Variants in GABPB1 observed in about 807,000 individuals in gnomAD.
GABPB1 encodes the protein GA-binding protein subunit beta-1.
In GABPB1, 15 loss-of-function variants were observed where a neutral mutation model predicts 45.9. That is an observed-to-expected ratio of 0.33 (90% confidence interval 0.22 to 0.50). The LOEUF is 0.50. Ranked by LOEUF, GABPB1 falls within the 20% of genes least tolerant of loss-of-function variation. The pLI is 0.98. For synonymous variants in GABPB1, 143 were observed against 154.4 expected, an observed-to-expected ratio of 0.93 and a Z score of 0.55; for missense variants, 252 against 457.5, an observed-to-expected ratio of 0.55 and a Z score of 4.10.
At chr15:50,337,471 A>G (rs1259871294) in intron 1 of GABPB1, among the ~76,000 whole-genome samples, 1 of 152,086 alleles carries the variant, frequency 6.6e-6, no homozygotes, top group Non-Finnish European at 1.5e-5. Context: ...TCTCAAGCAA[A>G]AAGTACTGGC....
intron 1 of GABPB1, among the ~76,000 whole-genome samples, chr15:50,341,397 C>T (rs35168369): frequency 0.49 from 74,821 of 151,726 alleles, 19,519 homozygotes; most frequent in Middle Eastern, 0.65. Context: ...CCAGGCATGG[C>T]GGTGCATGCC....
intron 1 of GABPB1, among the ~76,000 whole-genome samples, chr15:50,336,944 C>A (rs888463007): frequency 1.3e-5 from 2 of 150,914 alleles, no homozygotes; most frequent in African/African-American, 2.4e-5. Context: ...ACTCAGGAAG[C>A]TGAAGTGGGA....
chr15:50,308,294 C>G (rs1365190169), intron 2 of GABPB1, among the ~76,000 whole-genome samples: 2 of 152,196 alleles, frequency 1.3e-5, no homozygotes, highest in African/African-American at 2.4e-5. Context: ...AAGATCACTT[C>G]AAATTCATTT....
chr15:50,314,635 A>T (rs1005685467), intron 1 of GABPB1: 1 of 152,254 alleles, frequency 6.6e-6, no homozygotes. Flanking sequence ...GGCAAGTGCC[A>T]TGGATACTAG....
intron 1 of GABPB1, among the ~76,000 whole-genome samples, chr15:50,328,696 T>C (rs1247871278): frequency 6.6e-6 from 1 of 152,230 alleles, no homozygotes; most frequent in African/African-American, 2.4e-5. Flanking sequence ...CATCATACTT[T>C]GGCTCCATGG....
At chr15:50,340,868 A>C (rs2048334429) in intron 1 of GABPB1, among the ~76,000 whole-genome samples, 1 of 86,378 alleles carries the variant, frequency 1.2e-5, no homozygotes, top group South Asian at 3.8e-4. Flanking sequence ...CATATGGTTT[A>C]TTACCATATG....
In GABPB1 at chr15:50,303,039, C is replaced by G. The variant is rs373513281; in HGVS notation, c.361G>C (p.Glu121Gln). 1.2e-6 allele frequency: 2 copies of G among 1,613,772 alleles called. No individual in the cohort carries two copies. The highest frequency in any genetic ancestry group is 1.7e-5 in the Admixed American group (1 of 59,982). The stretch of plus-strand genomic sequence containing the variant: ...TCAGCACCATATTTGATTAAAAGTT[C>G]CACCACCTCTTGATGATTGTGTTCT... ...ATEHNHQEVV[E>Q]LLIKYGADVH... The change falls in exon 4 of 9, where the codon GAA becomes CAA. Residue 121 changes from glutamate to glutamine, a missense_variant. By Grantham distance (29) the Glu-to-Gln change is conservative. Transcript: ENST00000380877.
intron 6 of GABPB1, among the ~76,000 whole-genome samples, chr15:50,294,530 T>A (rs201982201): frequency 2.2e-5 from 1 of 45,024 alleles, no homozygotes. Flanking sequence ...AATAAATAAA[T>A]AAAATAAAAT....
chr15:50,341,273 C>T (rs965614418), intron 1 of GABPB1, among the ~76,000 whole-genome samples: 14 of 152,124 alleles, frequency 9.2e-5, no homozygotes, highest in African/African-American at 3.4e-4. Flanking sequence ...GTGGCTCACA[C>T]CTGTAATCCC....
At chr15:50,303,874 A>T in intron 3 of GABPB1, 92 bp downstream of exon 3, 1 of 924,328 alleles carries the variant, frequency 1.1e-6, no homozygotes, top group Non-Finnish European at 1.6e-6. Flanking sequence ...TAGATAAAAT[A>T]CTAAGTAGGC....
intron 6 of GABPB1, among the ~76,000 whole-genome samples, chr15:50,298,198 C>T (rs1289394843): frequency 6.6e-6 from 1 of 152,028 alleles, no homozygotes; most frequent in Admixed American, 6.6e-5. Context: ...CTCAAGTGAT[C>T]CTCCCACCTC....
chr15:50,303,215 G>T, intron 3 of GABPB1, 92 bp from the exon 4 acceptor site: 1 of 978,158 alleles, frequency 1.0e-6, no homozygotes, highest in South Asian at 1.6e-5. Context: ...TTTAAAGCAA[G>T]AACAAATAAT....
In GABPB1 at chr15:50,300,483, C is replaced by G. The variant is rs186979785; in HGVS notation, c.697+306G>C. On this transcript the variant is annotated intron_variant, in intron 6 of 8. Transcript: ENST00000380877. Reference sequence around the variant, plus strand: ...TTTGAGACAGAGTCTTGCTCTATCACCCAGGCTGGAGTGCAGTGGCACAAA... The same window carrying G: ...TTTGAGACAGAGTCTTGCTCTATCAGCCAGGCTGGAGTGCAGTGGCACAAA... Among the ~76,000 whole-genome samples, 166 of 127,072 alleles carry G rather than the reference C, an allele frequency of 1.3e-3. 2 individuals carry two copies. Among genetic ancestry groups the G allele is most frequent in the African/African-American group, 4.5e-3 (163 of 36,110 alleles). 83.4% of individuals were successfully genotyped at this position (127,072 alleles called of 152,430 possible). A position where few individuals can be genotyped will look rare whatever the true frequency, so the allele number is the denominator to read the frequency against.
chr15:50,340,783 C>A lies in GABPB1; in HGVS notation c.-1+14202G>T, dbSNP rs187275166. On this transcript the variant is annotated intron_variant, in intron 1 of 8. Transcript: ENST00000380877. ...ACTATGTTTCCTCTTCCGAAACTGC[C>A]TATTCATATTCTTTACCTATTTTAC... 2.6e-5 allele frequency among the ~76,000 whole-genome samples: 4 copies of A among 151,546 alleles called. No homozygotes were observed. The East Asian group carries it at 7.7e-4, about 29-fold the overall frequency.
At chr15:50,304,247 A>T in intron 2 of GABPB1, 114 bp from the exon 3 acceptor site, 1 of 723,744 alleles carries the variant, frequency 1.4e-6, no homozygotes, top group Non-Finnish European at 2.0e-6. Flanking sequence ...CTCAAAACTC[A>T]AAAGAAATGC....
rs528207352 is a variant in GABPB1, at chr15:50,337,832, A to G, written c.-1+17153T>C. Among the ~76,000 whole-genome samples, 4 of 152,264 alleles carry G rather than the reference A, an allele frequency of 2.6e-5. No homozygotes were observed. The South Asian group carries it at 6.2e-4, about 24-fold the overall frequency. On this transcript the variant is annotated intron_variant, in intron 1 of 8. Transcript: ENST00000380877. ...ATTACTGTTCCATACCCAAATCCTTACTAACTTAAATCCAGAAAAAAACTA... is the reference window on the plus strand; with the variant it reads ...ATTACTGTTCCATACCCAAATCCTTGCTAACTTAAATCCAGAAAAAAACTA...
chr15:50,303,954 G>T lies in GABPB1; in HGVS notation c.276+12C>A. 6.4e-7 allele frequency: 1 copy of T among 1,563,372 alleles called. No homozygotes were observed. Among genetic ancestry groups the T allele is most frequent in the Non-Finnish European group, 8.6e-7 (1 of 1,157,334 alleles). Reference sequence around the variant, plus strand: ...GTATTTTAAAAGCAAAGTGCAAAAAGAGAACACATACCTTAAGTAAAACCT... The same window carrying T: ...GTATTTTAAAAGCAAAGTGCAAAAATAGAACACATACCTTAAGTAAAACCT... On this transcript the variant is annotated intron_variant, in intron 3 of 8. Transcript: ENST00000380877.
At chr15:50,294,516 C>A (rs2046448143) in intron 6 of GABPB1, among the ~76,000 whole-genome samples, 1 of 114,084 alleles carries the variant, frequency 8.8e-6, no homozygotes, top group South Asian at 2.8e-4. Context: ...GACTCCGCCT[C>A]AAAAATAAAT....
intron 1 of GABPB1, among the ~76,000 whole-genome samples, chr15:50,317,879 AG>A (rs2047405540): frequency 6.6e-6 from 1 of 151,500 alleles, no homozygotes. Context: ...ACCGCACTCC[AG>A]CCTGGGCGAC....
Sources: allele counts gnomAD v4.1 joint callset (sites outside exome capture counted in the v4.1 genomes callset), GRCh38; gene constraint gnomAD v4.1.1; transcripts MANE v1.5; gene names NCBI Gene and HGNC (gene_info 2026-07-23, HGNC 2026-07-21).